Variants in SDK1 observed in about 807,000 individuals in gnomAD.
SDK1 encodes protein sidekick-1.
SDK1 carries 157 observed loss-of-function variants against 245.5 expected under a neutral mutation model. The observed-to-expected ratio is 0.64, with a 90% CI of 0.56 to 0.73. The LOEUF (loss-of-function observed/expected upper bound fraction) is 0.73, where lower values mean the gene tolerates loss of function less well. Among genes scored for constraint, SDK1 ranks in the 30% least tolerant of loss-of-function variants. The pLI is 0.00. For synonymous variants in SDK1, 1,647 were observed against 1,278.5 expected, an observed-to-expected ratio of 1.29 and a Z score of -6.15; for missense variants, 3,583 against 3,002.3, an observed-to-expected ratio of 1.19 and a Z score of -4.52.
chr7:4,047,729 A>C (rs1789123954), intron 17 of SDK1, among the ~76,000 whole-genome samples: 1 of 151,756 alleles, frequency 6.6e-6, no homozygotes, highest in Non-Finnish European at 1.5e-5. Context: ...ACCCATCCTG[A>C]CTCCTTGGAC....
intron 4 of SDK1, among the ~76,000 whole-genome samples, chr7:3,664,066 C>T (rs1007465210): frequency 1.3e-5 from 2 of 152,046 alleles, no homozygotes; most frequent in Non-Finnish European, 2.9e-5. Context: ...TGTTCTTTTT[C>T]TGGACAACAT....
intron 1 of SDK1, among the ~76,000 whole-genome samples, chr7:3,497,685 G>A (rs762382245): frequency 6.6e-6 from 1 of 152,158 alleles, no homozygotes; most frequent in Non-Finnish European, 1.5e-5. Flanking sequence ...AGTAAAAGAG[G>A]TTTAAAAATG....
intron 1 of SDK1, among the ~76,000 whole-genome samples, chr7:3,352,754 C>G (rs548161117): frequency 2.0e-5 from 3 of 151,868 alleles, no homozygotes; most frequent in African/African-American, 7.2e-5. Flanking sequence ...GTGTTGGTGA[C>G]CTAGGGAAAC....
rs185273591 is a variant in SDK1, at chr7:3,566,485, A to G, written c.299-52595A>G. 7.2e-3 allele frequency among the ~76,000 whole-genome samples: 1,095 copies of G among 152,160 alleles called. 3 individuals are homozygous for G. Among genetic ancestry groups the G allele is most frequent in the Non-Finnish European group, 0.012 (813 of 67,986 alleles). On this transcript the variant is annotated intron_variant, in intron 1 of 44. Coordinates refer to ENST00000404826, the MANE Select transcript of SDK1 (RefSeq NM_152744.4). ...CGTGATCTGCCTGCCTCGGCCTCCC[A>G]AAGTGCTGGGATTACAGGCGTGAGC...
chr7:3,700,404 G>T (rs1784706904), intron 4 of SDK1, among the ~76,000 whole-genome samples: 1 of 152,178 alleles, frequency 6.6e-6, no homozygotes, highest in Non-Finnish European at 1.5e-5. Context: ...TAGAGGAGAT[G>T]TTTATGACAG....
Position 3,450,879 on chromosome 7 carries a change from A to G in SDK1, c.298+148995A>G, listed in dbSNP as rs1546741. 6.6e-3 allele frequency among the ~76,000 whole-genome samples: 1,002 copies of G among 152,300 alleles called. 14 individuals carry two copies. Among genetic ancestry groups the G allele is most frequent in the African/African-American group, 0.023 (943 of 41,572 alleles). ...GATCACAAGAAGACACTGAGAAGGA[A>G]TGGCAGGAGACATAGGAAGAAAATA... On this transcript the variant is annotated intron_variant, in intron 1 of 44. Transcript: ENST00000404826.
chr7:3,593,233 T>G (rs1213232042), intron 1 of SDK1, among the ~76,000 whole-genome samples: 1 of 152,200 alleles, frequency 6.6e-6, no homozygotes, highest in Non-Finnish European at 1.5e-5. Flanking sequence ...TCTGGACTTT[T>G]GAAAAGTGGC....
chr7:4,112,025 C>G (rs1783383221), intron 23 of SDK1, among the ~76,000 whole-genome samples: 1 of 152,166 alleles, frequency 6.6e-6, no homozygotes, highest in South Asian at 2.1e-4. Flanking sequence ...CCTCAGTTAC[C>G]TGACAAAGTT....
chr7:3,871,243 A>G (rs1029630922), intron 5 of SDK1, among the ~76,000 whole-genome samples: 3 of 152,122 alleles, frequency 2.0e-5, no homozygotes, highest in Non-Finnish European at 2.9e-5. Flanking sequence ...ATATAATACA[A>G]TTGGTCCTTA....
At chr7:3,337,638 G>A (rs902740711) in intron 1 of SDK1, among the ~76,000 whole-genome samples, 3 of 152,206 alleles carry the variant, frequency 2.0e-5, no homozygotes, top group Non-Finnish European at 4.4e-5. Context: ...GCTACTGAAA[G>A]TAGCTGGAGT....
At chr7:3,763,694 C>T (rs938629547) in intron 4 of SDK1, among the ~76,000 whole-genome samples, 3 of 151,724 alleles carry the variant, frequency 2.0e-5, no homozygotes, top group African/African-American at 7.3e-5. Context: ...TCATAGATGC[C>T]AGAATAACAG....
intron 1 of SDK1, among the ~76,000 whole-genome samples, chr7:3,596,274 A>T (rs1025396766): frequency 1.3e-5 from 2 of 152,112 alleles, no homozygotes; most frequent in Non-Finnish European, 2.9e-5. Flanking sequence ...GGAGAAATGA[A>T]ATTTCAGTAA....
At chr7:4,113,974 T>TC in intron 24 of SDK1, 63 bp from the exon 25 acceptor site, 4 of 1,431,298 alleles carry the variant, frequency 2.8e-6, no homozygotes, top group Middle Eastern at 3.6e-4. Flanking sequence ...GCCCATCCCT[T>TC]ACAACCCGTG....
At position 3,619,833 on chromosome 7, in the gene SDK1, G is replaced by A. The variant is rs186215763; in HGVS notation, c.458+594G>A. On this transcript the variant is annotated intron_variant, in intron 2 of 44. Transcript: ENST00000404826. ...GGTGGACATGATGTGGGGACAGAGGGCCTGAACCTGTGGCAGAGCACAAGA... is the reference window on the plus strand; with the variant it reads ...GGTGGACATGATGTGGGGACAGAGGACCTGAACCTGTGGCAGAGCACAAGA... 3.9e-3 allele frequency among the ~76,000 whole-genome samples: 600 copies of A among 152,306 alleles called. 3 individuals are homozygous for A. In the Middle Eastern group the frequency reaches 0.044, roughly 11 times the overall value.
intron 32 of SDK1, among the ~76,000 whole-genome samples, chr7:4,167,132 G>A (rs892457671): frequency 2.8e-4 from 43 of 152,306 alleles, no homozygotes; most frequent in African/African-American, 9.9e-4. Flanking sequence ...GCTGTGGCAC[G>A]CCTGTAATCC....
intron 4 of SDK1, among the ~76,000 whole-genome samples, chr7:3,798,709 C>T (rs1379431192): frequency 1.3e-5 from 2 of 152,210 alleles, no homozygotes; most frequent in African/African-American, 4.8e-5. Context: ...TCCCTTTCCA[C>T]ATTCTGTTCT....
chr7:3,813,440 C>T (rs1181276400), intron 4 of SDK1, among the ~76,000 whole-genome samples: 1 of 137,954 alleles, frequency 7.2e-6, no homozygotes, highest in Non-Finnish European at 1.5e-5. Flanking sequence ...AGGACATGAA[C>T]TCATCATTTT....
intron 5 of SDK1, among the ~76,000 whole-genome samples, chr7:3,880,813 T>C (rs1046848998): frequency 6.6e-6 from 1 of 152,038 alleles, no homozygotes; most frequent in Non-Finnish European, 1.5e-5. Flanking sequence ...TTGCCGGCTG[T>C]GGTTATGAAC....
At chr7:3,841,240 C>G (rs546314978) in intron 5 of SDK1, among the ~76,000 whole-genome samples, 2 of 152,110 alleles carry the variant, frequency 1.3e-5, no homozygotes, top group African/African-American at 4.8e-5. Context: ...TGAGGGGGGC[C>G]GAGACCCAGA....
Sources: gnomAD v4.1 joint callset for allele counts (sites outside exome capture counted in the v4.1 genomes callset) on GRCh38, gnomAD v4.1.1 for gene constraint, MANE v1.5 for transcripts, NCBI Gene and HGNC (gene_info 2026-07-23, HGNC 2026-07-21) for gene names.